C1QTNF3: variants seen among roughly 807,000 people sequenced by gnomAD.
C1QTNF3 encodes the protein complement C1q tumor necrosis factor-related protein 3.
C1QTNF3 carries 26 observed loss-of-function variants against 32.6 expected under a neutral mutation model. That is an observed-to-expected ratio of 0.80 (90% CI 0.58 to 1.11). C1QTNF3 has a LOEUF of 1.11. Ranked by LOEUF, C1QTNF3 falls within the 50% of genes least tolerant of loss-of-function variation. The pLI is 0.00. For missense variants in C1QTNF3, 362 were observed against 398.2 expected, an observed-to-expected ratio of 0.91 and a Z score of 0.77; for synonymous variants, 155 against 146.0, an observed-to-expected ratio of 1.06 and a Z score of -0.44.
upstream of C1QTNF3, among the ~76,000 whole-genome samples, chr5:34,044,104 G>C (rs1277193784): frequency 6.6e-6 from 1 of 152,044 alleles, no homozygotes; most frequent in African/African-American, 2.4e-5. Flanking sequence ...CAAAACTGAA[G>C]AAGTGGAAAG....
At chr5:34,216,991 CAG>C in the C1QTNF3 span, among the ~76,000 whole-genome samples, 3 of 152,092 alleles carry the variant, frequency 2.0e-5, no homozygotes, top group African/African-American at 7.2e-5. Context: ...TTATAATTAA[CAG>C]AAAAATTATT....
At chr5:34,118,890 A>G in the C1QTNF3 span, among the ~76,000 whole-genome samples, 1 of 152,020 alleles carries the variant, frequency 6.6e-6, no homozygotes, top group African/African-American at 2.4e-5. Flanking sequence ...AGTGTTCACT[A>G]TCTCTCTATC....
chr5:34,162,344 C>A, the C1QTNF3 span, among the ~76,000 whole-genome samples: 1 of 152,110 alleles, frequency 6.6e-6, no homozygotes, highest in Non-Finnish European at 1.5e-5. Context: ...TAATAACTAA[C>A]CCACTCCAAG....
chr5:34,027,050 T>C (rs1033687186), intron 4 of C1QTNF3, among the ~76,000 whole-genome samples: 2 of 152,206 alleles, frequency 1.3e-5, no homozygotes, highest in Non-Finnish European at 2.9e-5. Context: ...ATTATTTATT[T>C]TTATAATTGC....
the C1QTNF3 span, among the ~76,000 whole-genome samples, chr5:34,077,637 T>C: frequency 1.3e-5 from 2 of 151,644 alleles, no homozygotes. Flanking sequence ...AGAAAAATAA[T>C]GTAATGACTA....
chr5:34,162,177 T>C, the C1QTNF3 span, among the ~76,000 whole-genome samples: 7 of 152,246 alleles, frequency 4.6e-5, no homozygotes, highest in South Asian at 1.0e-3. Flanking sequence ...TGAACCATGG[T>C]TCATGGTTCT....
At chr5:34,195,536 T>G in the C1QTNF3 span, among the ~76,000 whole-genome samples, 2 of 152,110 alleles carry the variant, frequency 1.3e-5, no homozygotes, top group African/African-American at 4.8e-5. Flanking sequence ...TGCATGTTTG[T>G]GTTCCCTCAA....
chr5:34,147,080 A>G, the C1QTNF3 span, among the ~76,000 whole-genome samples: 1 of 152,184 alleles, frequency 6.6e-6, no homozygotes, highest in South Asian at 2.1e-4. Flanking sequence ...AAGAAATGCA[A>G]ATCTATACCA....
At chr5:34,176,409 A>T in the C1QTNF3 span, among the ~76,000 whole-genome samples, 19 of 124,328 alleles carry the variant, frequency 1.5e-4, no homozygotes, top group African/African-American at 4.6e-4. Context: ...ATAATAATAA[A>T]AAAAAAATAC....
chr5:34,068,699 AAT>A, the C1QTNF3 span, among the ~76,000 whole-genome samples: 1 of 152,188 alleles, frequency 6.6e-6, no homozygotes, highest in Non-Finnish European at 1.5e-5. Flanking sequence ...AAATGAGCTC[AAT>A]AGTCTTTTTA....
chr5:34,122,316 G>A, the C1QTNF3 span, among the ~76,000 whole-genome samples: 1 of 152,214 alleles, frequency 6.6e-6, no homozygotes, highest in Non-Finnish European at 1.5e-5. Flanking sequence ...AGACTAAGTA[G>A]TCAAGAATAT....
chr5:34,156,012 T>G, the C1QTNF3 span, among the ~76,000 whole-genome samples: 1 of 152,226 alleles, frequency 6.6e-6, no homozygotes, highest in Non-Finnish European at 1.5e-5. Context: ...TCTCTCCATC[T>G]CCATGTTGTG....
the C1QTNF3 span, among the ~76,000 whole-genome samples, chr5:34,113,770 GC>G: frequency 1.3e-5 from 2 of 151,832 alleles, no homozygotes; most frequent in South Asian, 4.2e-4. Context: ...AAAAGCACTG[GC>G]TTATTATACA....
the C1QTNF3 span, chr5:34,166,715 T>A: frequency 6.6e-6 from 1 of 152,198 alleles, no homozygotes; most frequent in Non-Finnish European, 1.5e-5. Flanking sequence ...TTTTCCATCA[T>A]GCTTAGTATT....
the C1QTNF3 span, among the ~76,000 whole-genome samples, chr5:34,236,570 C>CTTTTTTTTTTTTTT: frequency 1.5e-3 from 40 of 27,284 alleles, no homozygotes; most frequent in South Asian, 4.6e-3. Flanking sequence ...TTTCTTTTTT[C>CTTTTTTTTTTTTTT]TTTTTTTTTT....
chr5:34,135,581 C>T, the C1QTNF3 span, among the ~76,000 whole-genome samples: 1 of 151,860 alleles, frequency 6.6e-6, no homozygotes, highest in African/African-American at 2.4e-5. Flanking sequence ...CTCAAAATAC[C>T]AATGACTTTC....
the C1QTNF3 span, among the ~76,000 whole-genome samples, chr5:34,178,231 A>C: frequency 6.6e-6 from 1 of 151,896 alleles, no homozygotes; most frequent in African/African-American, 2.4e-5. Flanking sequence ...CAGTGAGTCA[A>C]GATTGCACCA....
the C1QTNF3 span, among the ~76,000 whole-genome samples, chr5:34,177,916 C>A: frequency 2.0e-5 from 3 of 151,980 alleles, no homozygotes; most frequent in African/African-American, 7.3e-5. Context: ...AGCCACCACA[C>A]CCAGCACTGC....
At chr5:34,127,290 A>G in the C1QTNF3 span, among the ~76,000 whole-genome samples, 1 of 152,130 alleles carries the variant, frequency 6.6e-6, no homozygotes, top group Non-Finnish European at 1.5e-5. Flanking sequence ...ACGGGAAGAT[A>G]TGGGAAAGTT....
Sources: allele counts gnomAD v4.1 joint callset (sites outside exome capture counted in the v4.1 genomes callset), GRCh38; gene constraint gnomAD v4.1.1; transcripts MANE v1.5; gene names NCBI Gene and HGNC (gene_info 2026-07-23, HGNC 2026-07-21).